KIAA1217: variants seen among roughly 807,000 people sequenced by gnomAD.
KIAA1217 encodes the protein KIAA1217.
In KIAA1217, 88 loss-of-function variants were observed where a neutral mutation model predicts 163.9. The ratio of observed to expected loss-of-function variants is 0.54; its 90% CI spans 0.45 to 0.64. The LOEUF is 0.64. Ranked by LOEUF, KIAA1217 falls within the 30% of genes least tolerant of loss-of-function variation. The pLI is 0.00. For missense variants in KIAA1217, 2,372 were observed against 2,475.0 expected (o/e 0.96, Z 0.88); for synonymous variants, 903 against 923.1 (o/e 0.98, Z 0.39).
intron 2 of KIAA1217, among the ~76,000 whole-genome samples, chr10:24,325,958 G>A (rs1045486537): frequency 3.9e-5 from 6 of 152,198 alleles, no homozygotes; most frequent in Non-Finnish European, 7.4e-5. Flanking sequence ...TTATAATGCT[G>A]TGAGTAACAC....
intron 1 of KIAA1217, among the ~76,000 whole-genome samples, chr10:23,832,499 G>A (rs1838256836): frequency 6.6e-6 from 1 of 152,102 alleles, no homozygotes; most frequent in South Asian, 2.1e-4. Flanking sequence ...ATTCAATACT[G>A]TCCTCTCTCC....
chr10:24,060,864 CAT>C (rs2060697156), intron 2 of KIAA1217, among the ~76,000 whole-genome samples: 2 of 152,252 alleles, frequency 1.3e-5, no homozygotes, highest in African/African-American at 2.4e-5. Flanking sequence ...TGTGACCTAA[CAT>C]GTGGTCTCTC....
intron 1 of KIAA1217, among the ~76,000 whole-genome samples, chr10:24,003,636 GA>G (rs1315985970): frequency 6.6e-6 from 1 of 152,176 alleles, no homozygotes; most frequent in African/African-American, 2.4e-5. Context: ...ACCAGTGGAA[GA>G]AAGTCTTTTG....
intron 1 of KIAA1217, among the ~76,000 whole-genome samples, chr10:23,851,507 C>T (rs10828558): frequency 0.35 from 53,278 of 152,002 alleles, 13,654 homozygotes; most frequent in African/African-American, 0.73. Flanking sequence ...GCATGATTTA[C>T]AGTCCTTTGG....
At chr10:24,519,322 G>A (rs991957797) in intron 10 of KIAA1217, among the ~76,000 whole-genome samples, 1 of 152,090 alleles carries the variant, frequency 6.6e-6, no homozygotes, top group Admixed American at 6.5e-5. Flanking sequence ...GTGAGACCTC[G>A]TCTCCGATCT....
chr10:23,995,863 A>G (rs1382892892), intron 1 of KIAA1217, among the ~76,000 whole-genome samples: 1 of 152,186 alleles, frequency 6.6e-6, no homozygotes, highest in Non-Finnish European at 1.5e-5. Flanking sequence ...AGCACAGGAC[A>G]GTGATTTGCA....
chr10:23,956,640 C>T (rs966320816), intron 1 of KIAA1217, among the ~76,000 whole-genome samples: 2 of 152,116 alleles, frequency 1.3e-5, no homozygotes, highest in Non-Finnish European at 2.9e-5. Flanking sequence ...AAGAGATGTA[C>T]TGGGCCACGG....
intron 1 of KIAA1217, among the ~76,000 whole-genome samples, chr10:23,972,971 G>A (rs7905622): frequency 0.063 from 9,610 of 152,114 alleles, 984 homozygotes; most frequent in African/African-American, 0.22. Context: ...TTGGGGGTGA[G>A]GGGAGGGAAT....
chr10:23,781,311 A>ATGT (rs1314259335), intron 1 of KIAA1217, among the ~76,000 whole-genome samples: 1 of 152,090 alleles, frequency 6.6e-6, no homozygotes, highest in Non-Finnish European at 1.5e-5. Flanking sequence ...CCATACTAAT[A>ATGT]AGTGTGGGGT....
intron 1 of KIAA1217, among the ~76,000 whole-genome samples, chr10:23,849,621 T>C (rs899201746): frequency 6.6e-6 from 1 of 152,142 alleles, no homozygotes; most frequent in South Asian, 2.1e-4. Flanking sequence ...CATGTATATA[T>C]ACGTAACAAA....
At chr10:24,398,241 T>C (rs1247432691) in intron 3 of KIAA1217, among the ~76,000 whole-genome samples, 1 of 152,204 alleles carries the variant, frequency 6.6e-6, no homozygotes, top group Non-Finnish European at 1.5e-5. Flanking sequence ...AGATAATCAT[T>C]AAGAGAAACT....
chr10:23,920,933 C>T (rs1290341555), intron 1 of KIAA1217, among the ~76,000 whole-genome samples: 2 of 152,174 alleles, frequency 1.3e-5, no homozygotes, highest in Admixed American at 6.5e-5. Context: ...TAAAGAACAG[C>T]TCCCCTGCAC....
At chr10:24,424,491 C>A (rs1369950782) in intron 3 of KIAA1217, among the ~76,000 whole-genome samples, 2 of 152,244 alleles carry the variant, frequency 1.3e-5, no homozygotes, top group Admixed American at 6.5e-5. Context: ...AGGCCTGGCA[C>A]AAGATGGGAA....
intron 2 of KIAA1217, among the ~76,000 whole-genome samples, chr10:24,227,411 G>A (rs553232561): frequency 2.2e-4 from 34 of 152,080 alleles, no homozygotes; most frequent in African/African-American, 7.5e-4. Flanking sequence ...CACCTGCCTC[G>A]GCCTCCCAAA....
intron 2 of KIAA1217, among the ~76,000 whole-genome samples, chr10:24,238,721 T>C (rs1435200891): frequency 6.6e-6 from 1 of 152,072 alleles, no homozygotes; most frequent in Admixed American, 6.6e-5. Flanking sequence ...GAAGTATCAA[T>C]TGAAGGTTTT....
At chr10:24,516,453 C>G (rs532560099) in intron 10 of KIAA1217, among the ~76,000 whole-genome samples, 35 of 152,332 alleles carry the variant, frequency 2.3e-4, no homozygotes, top group African/African-American at 8.2e-4. Context: ...CTTGAAAGTT[C>G]CGGGGTTCAA....
chr10:24,400,901 A>G (rs1465772778), intron 3 of KIAA1217, among the ~76,000 whole-genome samples: 1 of 151,236 alleles, frequency 6.6e-6, no homozygotes, highest in African/African-American at 2.4e-5. Context: ...ATTTTTCTAG[A>G]ATTGAAGACA....
chr10:23,999,006 T>C (rs1589213785), intron 1 of KIAA1217, among the ~76,000 whole-genome samples: 1 of 152,174 alleles, frequency 6.6e-6, no homozygotes, highest in Middle Eastern at 3.4e-3. Flanking sequence ...TCTCTATCAT[T>C]GGGATCGCTT....
chr10:24,352,469 G>C (rs1337037425), intron 2 of KIAA1217, among the ~76,000 whole-genome samples: 5 of 152,116 alleles, frequency 3.3e-5, no homozygotes, highest in African/African-American at 9.7e-5. Context: ...GATTATGGTG[G>C]CCAAAGCACC....
Sources: gnomAD v4.1 joint callset for allele counts (sites outside exome capture counted in the v4.1 genomes callset) on GRCh38, gnomAD v4.1.1 for gene constraint, MANE v1.5 for transcripts, NCBI Gene and HGNC (gene_info 2026-07-23, HGNC 2026-07-21) for gene names.